Variants in MACROD2 observed in about 807,000 individuals in gnomAD.
MACROD2 encodes the protein ADP-ribose glycohydrolase MACROD2.
A neutral mutation model predicts 70.4 loss-of-function variants in MACROD2; 36 were observed. The observed-to-expected ratio is 0.51, with a 90% confidence interval of 0.39 to 0.68. The LOEUF is 0.68. MACROD2 is among the 30% of genes least tolerant of loss of function. The pLI is 0.00. For missense variants in MACROD2, 496 were observed against 538.4 expected, an observed-to-expected ratio of 0.92 and a Z score of 0.78; for synonymous variants, 172 against 178.8, an observed-to-expected ratio of 0.96 and a Z score of 0.30.
chr20:15,449,573 G>A (rs1356386579), intron 7 of MACROD2, among the ~76,000 whole-genome samples: 12 of 152,044 alleles, frequency 7.9e-5, no homozygotes, highest in Admixed American at 6.6e-4. Flanking sequence ...TCATATATAA[G>A]CCTATAAATA....
At chr20:14,976,212 G>C (rs2074738375) in intron 5 of MACROD2, among the ~76,000 whole-genome samples, 1 of 152,144 alleles carries the variant, frequency 6.6e-6, no homozygotes, top group African/African-American at 2.4e-5. Flanking sequence ...TTAAAACAAT[G>C]CTAATTTGCC....
intron 5 of MACROD2, among the ~76,000 whole-genome samples, chr20:15,156,123 A>G (rs973225717): frequency 1.3e-5 from 2 of 152,210 alleles, no homozygotes; most frequent in African/African-American, 4.8e-5. Flanking sequence ...CAAATCTGCA[A>G]TTTCCTTTTT....
chr20:15,341,786 C>T (rs957671300), intron 6 of MACROD2, among the ~76,000 whole-genome samples: 5 of 152,156 alleles, frequency 3.3e-5, no homozygotes, highest in African/African-American at 9.7e-5. Flanking sequence ...CATGGTGGCT[C>T]ATGCCTGTAA....
At chr20:14,949,857 T>C (rs2074461560) in intron 5 of MACROD2, among the ~76,000 whole-genome samples, 1 of 152,194 alleles carries the variant, frequency 6.6e-6, no homozygotes, top group Non-Finnish European at 1.5e-5. Context: ...ACATCAACCC[T>C]ATTATATTTT....
chr20:14,324,403 A>G (rs559253254), intron 3 of MACROD2: 1 of 152,604 alleles, frequency 6.6e-6, no homozygotes, highest in Non-Finnish European at 1.5e-5. Context: ...ATTATATAAT[A>G]TCTGGAAAAT....
At chr20:15,090,588 G>A (rs898471633) in intron 5 of MACROD2, among the ~76,000 whole-genome samples, 8 of 152,110 alleles carry the variant, frequency 5.3e-5, no homozygotes, top group African/African-American at 1.9e-4. Flanking sequence ...GGGGGAAGAA[G>A]AAGAGAGGTA....
chr20:15,795,049 A>G (rs2063660641), intron 8 of MACROD2, among the ~76,000 whole-genome samples: 1 of 152,120 alleles, frequency 6.6e-6, no homozygotes, highest in Admixed American at 6.6e-5. Flanking sequence ...AGGTACTAAG[A>G]AAAGATCTCC....
chr20:16,010,037 G>A (rs1198857833), intron 15 of MACROD2, among the ~76,000 whole-genome samples: 1 of 152,182 alleles, frequency 6.6e-6, no homozygotes, highest in Non-Finnish European at 1.5e-5. Context: ...AATGGCAGAA[G>A]TCCAATTTTT....
intron 4 of MACROD2, among the ~76,000 whole-genome samples, chr20:14,620,619 G>C (rs1452213539): frequency 1.3e-5 from 2 of 152,020 alleles, no homozygotes; most frequent in Non-Finnish European, 2.9e-5. Context: ...TAGTGGTAGG[G>C]GTGCTGGTGT....
intron 3 of MACROD2, among the ~76,000 whole-genome samples, chr20:14,216,321 T>C (rs764262464): frequency 5.3e-5 from 8 of 152,080 alleles, no homozygotes; most frequent in Non-Finnish European, 1.2e-4. Context: ...GCTGTAAGTA[T>C]TTGGGTTTAT....
rs961975107 is a variant in MACROD2 at position 15,191,918 on chromosome 20, A to G, written c.419-38022A>G. Among the ~76,000 whole-genome samples, 27 of 58,630 alleles carry G rather than the reference A, an allele frequency of 4.6e-4. No individual in the cohort carries two copies. The East Asian group carries it at 6.5e-3, about 14-fold the overall frequency. The allele number at this position is 58,630 out of a possible 152,430, so 38.5% of individuals were successfully genotyped here. On this transcript the variant is annotated intron_variant, in intron 5 of 17. Coordinates refer to ENST00000684519, the MANE Select transcript of MACROD2 (RefSeq NM_001351661.2). ...AATTTAGAAAACTACACATATGTGT[A>G]TATATATATATATAGAGAGAGAGAG...
intron 1 of MACROD2, among the ~76,000 whole-genome samples, chr20:13,998,826 A>G (rs910196151): frequency 2.0e-5 from 3 of 151,980 alleles, no homozygotes; most frequent in Non-Finnish European, 4.4e-5. Context: ...GTGGTGGCAC[A>G]CGCCTGTAAT....
intron 6 of MACROD2, among the ~76,000 whole-genome samples, chr20:15,409,355 T>C (rs2046046135): frequency 6.6e-6 from 1 of 152,232 alleles, no homozygotes; most frequent in South Asian, 2.1e-4. Context: ...TCCTCTTGAA[T>C]AGTGATTATG....
intron 5 of MACROD2, among the ~76,000 whole-genome samples, chr20:14,966,364 C>A (rs114454454): frequency 0.011 from 1,625 of 152,142 alleles, 31 homozygotes; most frequent in African/African-American, 0.037. Flanking sequence ...GCGTTTGAGC[C>A]CAGGAGTTTG....
At chr20:14,108,155 T>C (rs771036690) in intron 3 of MACROD2, among the ~76,000 whole-genome samples, 3 of 152,114 alleles carry the variant, frequency 2.0e-5, no homozygotes. Context: ...TTAGTTTTTT[T>C]TTCTTGTTTA....
intron 8 of MACROD2, among the ~76,000 whole-genome samples, chr20:15,753,032 CTT>C (rs772167769): frequency 5.3e-5 from 8 of 152,098 alleles, no homozygotes; most frequent in Non-Finnish European, 1.0e-4. Flanking sequence ...AATTTATACT[CTT>C]TTGCAAAGCA....
chr20:14,289,353 G>A (rs1463011735), intron 3 of MACROD2, among the ~76,000 whole-genome samples: 1 of 152,174 alleles, frequency 6.6e-6, no homozygotes, highest in Non-Finnish European at 1.5e-5. Flanking sequence ...AATTACAAAA[G>A]TAACCCTTGC....
chr20:15,366,183 T>C (rs1384124359), intron 6 of MACROD2, among the ~76,000 whole-genome samples: 1 of 152,214 alleles, frequency 6.6e-6, no homozygotes, highest in East Asian at 1.9e-4. Context: ...GGGCCAACTG[T>C]GTGTATCCAG....
At chr20:14,492,924 T>TCCC (rs2084810955) in intron 3 of MACROD2, among the ~76,000 whole-genome samples, 1 of 152,090 alleles carries the variant, frequency 6.6e-6, no homozygotes, top group Non-Finnish European at 1.5e-5. Flanking sequence ...AATAAATAAA[T>TCCC]AGGTAAGAAA....
Sources: allele counts gnomAD v4.1 joint callset (sites outside exome capture counted in the v4.1 genomes callset), GRCh38; gene constraint gnomAD v4.1.1; transcripts MANE v1.5; gene names NCBI Gene and HGNC (gene_info 2026-07-23, HGNC 2026-07-21).